HERC1: variants seen among roughly 807,000 people sequenced by gnomAD.
The protein encoded by HERC1 is HECT and RLD domain containing E3 ubiquitin protein ligase family member 1.
Under a neutral mutation model 554.3 loss-of-function variants are expected in HERC1, and 160 were observed. The observed-to-expected ratio is 0.29, with a 90% CI of 0.25 to 0.33. The LOEUF is 0.33. Ranked by LOEUF, HERC1 falls within the 10% of genes least tolerant of loss-of-function variation. The probability of loss-of-function intolerance (pLI) is 1.00; values close to 1 mark genes in which losing one functional copy is unlikely to be tolerated. For missense variants in HERC1, 4,919 were observed against 5,918.5 expected (o/e 0.83, Z 5.54); for synonymous variants, 2,175 against 2,131.7 (o/e 1.02, Z -0.56).
intron 12 of HERC1, among the ~76,000 whole-genome samples, chr15:63,738,566 AAAG>A (rs1485949175): frequency 6.6e-6 from 1 of 152,182 alleles, no homozygotes; most frequent in Non-Finnish European, 1.5e-5. Flanking sequence ...AAAATTTTTT[AAAG>A]AAGAAAATTC....
At chr15:63,708,995 G>T (rs2073155461) in intron 24 of HERC1, among the ~76,000 whole-genome samples, 1 of 151,886 alleles carries the variant, frequency 6.6e-6, no homozygotes, top group Non-Finnish European at 1.5e-5. Flanking sequence ...AGTCAATCTG[G>T]TGTTTTTTGT....
rs140305651 is a variant in HERC1 at position 63,716,715 on chromosome 15, G to A, written c.3979-242C>T. On this transcript the variant is annotated intron_variant, in intron 21 of 77. Coordinates refer to ENST00000443617, the MANE Select transcript of HERC1 (RefSeq NM_003922.4). ...ATTATTTTGATTAAAATATCATGCT[G>A]TAAATTTATTCATATCTATATTGCT... Among the ~76,000 whole-genome samples, 778 of 152,136 alleles carry A rather than the reference G, an allele frequency of 5.1e-3. 5 individuals carry two copies. Among genetic ancestry groups the A allele is most frequent in the African/African-American group, 0.018 (736 of 41,504 alleles).
At position 63,695,489 on chromosome 15, in the gene HERC1, G is replaced by A. The variant is rs538838164; in HGVS notation, c.5122-595C>T. On this transcript the variant is annotated intron_variant, in intron 27 of 77. Transcript: ENST00000443617. ...CAACCTCCACCTCCCGGGTTCAAGC[G>A]ATTCTCCCTGCCTCAGCCTCCTGAG... Among the ~76,000 whole-genome samples the A allele has an allele frequency of 1.2e-3, 185 of 149,108 alleles. 1 individual carries two copies. The highest frequency in any genetic ancestry group is 4.4e-3 in the African/African-American group (177 of 40,472).
chr15:63,750,582 C>T (rs911221356), intron 8 of HERC1, among the ~76,000 whole-genome samples: 1 of 152,038 alleles, frequency 6.6e-6, no homozygotes, highest in Non-Finnish European at 1.5e-5. Context: ...TTGTTTTTGT[C>T]TTGCAATTAT....
At chr15:63,737,505 TCTTTTTTCC>T (rs1299081517) in intron 12 of HERC1, among the ~76,000 whole-genome samples, 1 of 75,626 alleles carries the variant, frequency 1.3e-5, no homozygotes, top group African/African-American at 4.1e-5. Context: ...CATATATATA[TCTTTTTTCC>T]AGATATATAT....
chr15:63,647,982 TCTCTGACTTCTCCA>T (rs1370783577), intron 55 of HERC1, 73 bp downstream of exon 55: 23 of 1,049,034 alleles, frequency 2.2e-5, no homozygotes, highest in Non-Finnish European at 3.2e-5. Flanking sequence ...TATCTTAAAA[TCTCTGACTTCTCCA>T]CTGTGTAATC....
At chr15:63,642,707 G>T (rs1194291774) in intron 59 of HERC1, among the ~76,000 whole-genome samples, 1 of 152,110 alleles carries the variant, frequency 6.6e-6, no homozygotes, top group Non-Finnish European at 1.5e-5. Flanking sequence ...CACTTCCAAT[G>T]GAAATGAAAT....
At chr15:63,809,789 CAA>C (rs34059646) in intron 1 of HERC1, among the ~76,000 whole-genome samples, 36,064 of 136,086 alleles carry the variant, frequency 0.27, 4,629 homozygotes, top group Middle Eastern at 0.34. Flanking sequence ...TTTAGAATAG[CAA>C]AAAAAAAAAA....
chr15:63,785,849 A>C (rs2076421427), intron 1 of HERC1, among the ~76,000 whole-genome samples: 1 of 152,134 alleles, frequency 6.6e-6, no homozygotes. Flanking sequence ...AAACAACAGG[A>C]TTGATATCTC....
chr15:63,713,394 T>C lies in HERC1; in HGVS notation c.4422A>G (p.Gln1474=), dbSNP rs376187755. 3 of 1,614,016 alleles carry C rather than the reference T, an allele frequency of 1.9e-6. No individual in the cohort carries two copies. The highest frequency in any genetic ancestry group is 2.5e-6 in the Non-Finnish European group (3 of 1,179,878). ...QKRREEGQLQ[Q]PSTSASEGGG... The stretch of plus-strand genomic sequence containing the variant: ...CCCCTTCAGAGGCACTTGTTGAAGG[T>C]TGCTGCAACTGTCCTTCTTCTCTTC... Residue 1474 remains glutamine (Q), a synonymous_variant, in exon 23 of 78, where the codon CAA becomes CAG. Coordinates refer to ENST00000443617, the MANE Select transcript of HERC1 (RefSeq NM_003922.4).
intron 17 of HERC1, 134 bp from the exon 18 acceptor site, chr15:63,725,647 A>G: frequency 1.5e-6 from 1 of 661,010 alleles, no homozygotes; most frequent in Non-Finnish European, 2.6e-6. Context: ...AAATTATAAT[A>G]CTTTCTGTAT....
intron 2 of HERC1, 59 bp downstream of exon 2, chr15:63,774,635 C>T: frequency 8.0e-7 from 1 of 1,254,364 alleles, no homozygotes; most frequent in South Asian, 1.5e-5. Flanking sequence ...TCATTAAAAA[C>T]TGCATTGACT....
chr15:63,624,118 A>C (rs755085944), intron 72 of HERC1, 40 bp downstream of exon 72: 2 of 1,538,624 alleles, frequency 1.3e-6, no homozygotes, highest in East Asian at 4.5e-5. Context: ...CATCTGAAAA[A>C]ATCACAGCTC....
chr15:63,829,596 A>G (rs1235216319), intron 1 of HERC1, among the ~76,000 whole-genome samples: 1 of 128,788 alleles, frequency 7.8e-6, no homozygotes, highest in African/African-American at 2.9e-5. Context: ...TATATATATA[A>G]TATACTGATA....
intron 71 of HERC1, 188 bp downstream of exon 71, chr15:63,625,797 G>T: frequency 1.4e-6 from 1 of 691,426 alleles, no homozygotes; most frequent in Non-Finnish European, 2.5e-6. Context: ...ACTCTGTCCA[G>T]CAGCATCATG....
At chr15:63,667,893 G>A (rs1048024548) in intron 40 of HERC1, among the ~76,000 whole-genome samples, 2 of 152,086 alleles carry the variant, frequency 1.3e-5, no homozygotes, top group African/African-American at 4.8e-5. Context: ...CCTACTCAAC[G>A]GGAATATGAC....
At chr15:63,620,389 T>C (rs1348135444) in intron 74 of HERC1, among the ~76,000 whole-genome samples, 1 of 151,948 alleles carries the variant, frequency 6.6e-6, no homozygotes, top group Non-Finnish European at 1.5e-5. Context: ...TCTTTTACAT[T>C]TGCTGAGGAG....
chr15:63,637,886 GA>G (rs1208270338), intron 63 of HERC1, among the ~76,000 whole-genome samples: 6 of 152,158 alleles, frequency 3.9e-5, no homozygotes, highest in Non-Finnish European at 7.3e-5. Context: ...CAAAATGGAT[GA>G]AAGAAAAAGG....
intron 25 of HERC1, among the ~76,000 whole-genome samples, chr15:63,699,456 T>G (rs2072605176): frequency 6.6e-6 from 1 of 152,206 alleles, no homozygotes; most frequent in South Asian, 2.1e-4. Flanking sequence ...CTGAACAAAG[T>G]GTCTACATAT....
Sources: allele counts gnomAD v4.1 joint callset (sites outside exome capture counted in the v4.1 genomes callset), GRCh38; gene constraint gnomAD v4.1.1; transcripts MANE v1.5; gene names NCBI Gene and HGNC (gene_info 2026-07-23, HGNC 2026-07-21).